The following SLC4A5 variants were observed in gnomAD, a reference collection of about 807,000 sequenced individuals.
SLC4A5 encodes electrogenic sodium bicarbonate cotransporter 4.
SLC4A5 carries 96 observed loss-of-function variants against 120.4 expected under a neutral mutation model. That is an observed-to-expected ratio of 0.80 (90% CI 0.68 to 0.94). SLC4A5 has a LOEUF of 0.94. SLC4A5 is among the 40% of genes least tolerant of loss of function. The probability of loss-of-function intolerance (pLI) is 0.00; values close to 1 mark genes in which losing one functional copy is unlikely to be tolerated. For missense variants in SLC4A5, 1,259 were observed against 1,459.5 expected (o/e 0.86, Z 2.24); for synonymous variants, 550 against 571.1 (o/e 0.96, Z 0.53).
In SLC4A5 at chr2:74,307,564, T is replaced by TGGGCACTGTCGATCTGCACAAC. The variant is rs1672683483; in HGVS notation, c.80-2885_80-2884insGTTGTGCAGATCGACAGTGCCC. The TGGGCACTGTCGATCTGCACAAC allele has an allele frequency of 6.1e-6, 4 of 660,290 alleles. No homozygotes were observed. In the African/African-American group the frequency reaches 7.2e-5, roughly 12 times the overall value. The allele number at this position is 660,290 out of a possible 1,614,324, so 40.9% of individuals were successfully genotyped here. On this transcript the variant is annotated intron_variant, in intron 6 of 30. Coordinates refer to ENST00000394019, the Ensembl canonical transcript of SLC4A5. ...AGATGGGCACTGTCGATCTGCACAA[T>TGGGCACTGTCGATCTGCACAAC]GTGGGCATTGTCCACAGTATTTGCG...
chr2:74,221,578 C>CTTTCT (rs1435476465), intron 29 of SLC4A5, 77 bp from the exon 30 acceptor site: 9 of 1,408,226 alleles, frequency 6.4e-6, no homozygotes, highest in Non-Finnish European at 8.1e-6. Flanking sequence ...CCACCATTTC[C>CTTTCT]TTTCTTTTCC....
At chr2:74,233,592 T>G (rs1403999119) in intron 22 of SLC4A5, 29 bp from the exon 23 acceptor site, 1 of 1,588,352 alleles carries the variant, frequency 6.3e-7, no homozygotes, top group South Asian at 1.1e-5. Flanking sequence ...AGAGGGGCCC[T>G]TTCCTCTCTC....
Position 74,329,587 on chromosome 2 carries a change from T to TCAAA in SLC4A5, c.-69-1405_-69-1402dup, listed in dbSNP as rs139635951. Among the ~76,000 whole-genome samples the TCAAA allele has an allele frequency of 4.2e-3, 633 of 150,990 alleles. 4 individuals are homozygous for TCAAA. Among genetic ancestry groups the TCAAA allele is most frequent in the African/African-American group, 0.012 (481 of 40,966 alleles). ...CTGGGCAACACGGCGAGGCTCCATC[T>TCAAA]CAAACAAACAAACAAACAAACAAAC... On this transcript the variant is annotated intron_variant, in intron 4 of 30. Transcript: ENST00000394019.
chr2:74,328,295 G>C (rs148099555), intron 4 of SLC4A5, 109 bp from the exon 5 acceptor site: 13 of 573,062 alleles, frequency 2.3e-5, no homozygotes, highest in Middle Eastern at 8.9e-4. Flanking sequence ...GACCAAGGTG[G>C]GGGGAGGGAC....
intron 7 of SLC4A5, among the ~76,000 whole-genome samples, chr2:74,298,724 A>G (rs1005864923): frequency 6.6e-6 from 1 of 152,196 alleles, no homozygotes; most frequent in Non-Finnish European, 1.5e-5. Context: ...ACAACTCAAT[A>G]GCAAAAAGAA....
intron 22 of SLC4A5, among the ~76,000 whole-genome samples, chr2:74,234,799 G>C (rs576307956): frequency 1.3e-5 from 2 of 152,208 alleles, no homozygotes; most frequent in African/African-American, 4.8e-5. Flanking sequence ...ATTGCTAGAG[G>C]TCAGGGAACT....
Position 74,283,684 on chromosome 2 carries a change from A to G in SLC4A5, c.401+2089T>C, listed in dbSNP as rs565153955. On this transcript the variant is annotated intron_variant, in intron 8 of 30. Coordinates refer to ENST00000394019, the Ensembl canonical transcript of SLC4A5. ...GTGTCACAGTGGCCCCCATGCAGAG[A>G]CAGACCTGGGCACGGTTGAGTCTAT... 1.4e-4 allele frequency among the ~76,000 whole-genome samples: 21 copies of G among 152,300 alleles called. No individual in the cohort carries two copies. The South Asian group carries it at 3.9e-3, about 29-fold the overall frequency.
At chr2:74,276,763 T>C (rs1671655682) in intron 8 of SLC4A5, among the ~76,000 whole-genome samples, 1 of 149,210 alleles carries the variant, frequency 6.7e-6, no homozygotes. Context: ...GTCCTCCCCA[T>C]ACCTCCTACC....
At chr2:74,262,904 G>A (rs777429509) in intron 10 of SLC4A5, among the ~76,000 whole-genome samples, 30 of 152,124 alleles carry the variant, frequency 2.0e-4, no homozygotes, top group Non-Finnish European at 3.2e-4. Context: ...GACAAGAACC[G>A]TACCTACACG....
intron 8 of SLC4A5, among the ~76,000 whole-genome samples, chr2:74,283,741 G>T (rs1671887163): frequency 6.6e-6 from 1 of 152,156 alleles, no homozygotes; most frequent in Non-Finnish European, 1.5e-5. Context: ...TTGCCCCCAA[G>T]GGGGCAAAAA....
chr2:74,226,005 TC>T (rs1694829142), intron 27 of SLC4A5, among the ~76,000 whole-genome samples: 1 of 152,186 alleles, frequency 6.6e-6, no homozygotes, highest in Non-Finnish European at 1.5e-5. Flanking sequence ...GCCTTTCCCT[TC>T]GCCAGCTCTG....
At chr2:74,232,045 G>A (rs1558868443) in intron 24 of SLC4A5, among the ~76,000 whole-genome samples, 1 of 152,194 alleles carries the variant, frequency 6.6e-6, no homozygotes, top group Non-Finnish European at 1.5e-5. Flanking sequence ...AGACTGGGGA[G>A]CGGGGGTGAT....
At position 74,285,809 on chromosome 2, in the gene SLC4A5, T is replaced by C. The variant is rs1379744418; in HGVS notation, c.365A>G (p.His122Arg). The C allele has an allele frequency of 6.8e-6, 11 of 1,612,178 alleles. No individual in the cohort carries two copies. In the African/African-American group the frequency reaches 1.1e-4, roughly 16 times the overall value. ...CTTCCACTCCATCTGGTCTCCGTCA[T>C]GCTGCAGAGTATCCATCTCTGTAAA... Residue 122 changes from histidine to arginine, a missense_variant, in exon 8 of 31, where the codon CAT becomes CGT. By Grantham distance (29) the His-to-Arg change is conservative. Transcript: ENST00000394019.
At chr2:74,298,658 T>G (rs1672396330) in intron 7 of SLC4A5, among the ~76,000 whole-genome samples, 1 of 152,172 alleles carries the variant, frequency 6.6e-6, no homozygotes, top group Non-Finnish European at 1.5e-5. Flanking sequence ...GGAGAAAAGA[T>G]TTGCAAGCCA....
chr2:74,224,813 T>G, intron 28 of SLC4A5, 27 bp downstream of exon 28: 1 of 1,595,776 alleles, frequency 6.3e-7, no homozygotes, highest in Non-Finnish European at 8.5e-7. Flanking sequence ...ATTTCTCCTC[T>G]GTGCCCCGGC....
At position 74,255,907 on chromosome 2, in the gene SLC4A5, ATCT is replaced by A; in HGVS notation, c.890_892del (p.Lys297del). 5.0e-6 allele frequency: 8 copies of A among 1,613,770 alleles called. No individual in the cohort carries two copies. Among genetic ancestry groups the A allele is most frequent in the South Asian group, 1.1e-5 (1 of 91,066 alleles). On this transcript the variant is annotated inframe_deletion, in exon 13 of 31. Transcript: ENST00000394019. The surrounding 1 kb of genome is among the most constrained non-coding windows in gnomAD (Gnocchi z 4.0). Reference sequence around the variant, plus strand: ...GTTGGACGCTTCTGAGTCCTTGGGGATCTTCTTCATGAATTTGTTTTTCCGCTG... The same window carrying A: ...GTTGGACGCTTCTGAGTCCTTGGGGATCTTCATGAATTTGTTTTTCCGCTG...
chr2:74,295,279 G>T (rs1192616328), intron 7 of SLC4A5, among the ~76,000 whole-genome samples: 1 of 152,016 alleles, frequency 6.6e-6, no homozygotes, highest in Non-Finnish European at 1.5e-5. Flanking sequence ...GTGGCCAAGG[G>T]GAAACCTTCA....
At chr2:74,242,014 G>C in exon 20 of SLC4A5, 1 of 1,606,560 alleles carries the variant, frequency 6.2e-7, no homozygotes, top group Non-Finnish European at 8.5e-7. Context: ...TTGGTGTCTG[G>C]TGCCAATGGG....
intron 28 of SLC4A5, 73 bp from the exon 29 acceptor site, chr2:74,223,025 GAC>G: frequency 1.0e-6 from 1 of 972,732 alleles, no homozygotes; most frequent in Non-Finnish European, 1.5e-6. Context: ...TTTTTTTTGA[GAC>G]AGAGTCTCGC....
Sources: allele counts gnomAD v4.1 joint callset (sites outside exome capture counted in the v4.1 genomes callset), GRCh38; gene constraint gnomAD v4.1.1; non-coding constraint Gnocchi (gnomAD v3.1); transcripts MANE v1.5; gene names NCBI Gene and HGNC (gene_info 2026-07-23, HGNC 2026-07-21).